Variants in NRDE2 observed in about 807,000 individuals in gnomAD.
NRDE2 encodes nuclear exosome regulator NRDE2.
NRDE2 carries 76 observed loss-of-function variants against 124.2 expected under a neutral mutation model. The observed-to-expected ratio is 0.61, with a 90% CI of 0.51 to 0.74. The LOEUF (loss-of-function observed/expected upper bound fraction) is 0.74, where lower values mean the gene tolerates loss of function less well. NRDE2 is among the 30% of genes least tolerant of loss of function. The pLI is 0.00. For synonymous variants in NRDE2, 489 were observed against 528.1 expected (o/e 0.93, Z 1.01); for missense variants, 1,314 against 1,417.3 (o/e 0.93, Z 1.17).
At position 90,315,774 on chromosome 14, in the gene NRDE2, G is replaced by A. The variant is rs376377547; in HGVS notation, c.407+804C>T. Among the ~76,000 whole-genome samples the A allele has an allele frequency of 1.9e-4, 29 of 151,916 alleles. 2 individuals carry two copies. Among genetic ancestry groups the A allele is most frequent in the Middle Eastern group, 3.4e-3 (1 of 294 alleles). On this transcript the variant is annotated intron_variant, in intron 3 of 13. Coordinates refer to ENST00000354366, the MANE Select transcript of NRDE2 (RefSeq NM_017970.4). ...AGTTCAAGACCTGCCTGGCCAACAT[G>A]GTGAAATGCCATCTCTACTAAAAAT... is the stretch of plus-strand genomic sequence containing the variant.
At chr14:90,295,683 GA>G (rs1458089060) in intron 8 of NRDE2, among the ~76,000 whole-genome samples, 2 of 152,206 alleles carry the variant, frequency 1.3e-5, no homozygotes, top group East Asian at 3.8e-4. Context: ...ACTGCAGGAT[GA>G]AATCAACTAC....
Position 90,276,496 on chromosome 14 carries a change from G to A in NRDE2, c.*1840C>T, listed in dbSNP as rs1748979409. 6.6e-6 allele frequency: 1 copy of A among 152,208 alleles called. No homozygotes were observed. The highest frequency in any genetic ancestry group is 2.1e-4 in the South Asian group (1 of 4,834). The allele number at this position is 152,208 out of a possible 1,614,324, so 9.4% of individuals were successfully genotyped here. Reference sequence around the variant, plus strand: ...GGCCTCCCAAAGTGCTGGGATTACAGACGTGAGCCACCGCGCCTGGCCTCA... The same window carrying A: ...GGCCTCCCAAAGTGCTGGGATTACAAACGTGAGCCACCGCGCCTGGCCTCA... On this transcript the variant is annotated 3_prime_UTR_variant, in exon 14 of 14. Coordinates refer to ENST00000354366, the MANE Select transcript of NRDE2 (RefSeq NM_017970.4).
intron 7 of NRDE2, among the ~76,000 whole-genome samples, chr14:90,299,291 G>C (rs1884300000): frequency 6.6e-6 from 1 of 152,024 alleles, no homozygotes; most frequent in Admixed American, 6.5e-5. Flanking sequence ...CAGGTGCTCT[G>C]CCCACCTTAG....
At chr14:90,304,627 G>A (rs755722489) in intron 4 of NRDE2, 2 of 451,894 alleles carry the variant, frequency 4.4e-6, no homozygotes, top group African/African-American at 3.9e-5. Context: ...TTAAGATCAT[G>A]CCTGTCTTCT....
In NRDE2 at chr14:90,273,583, A is replaced by T. The variant is rs927631444; in HGVS notation, c.*4753T>A. 6.6e-6 allele frequency: 1 copy of T among 152,182 alleles called. No homozygotes were observed. Among genetic ancestry groups the T allele is most frequent in the African/African-American group, 2.4e-5 (1 of 41,420 alleles). The allele number at this position is 152,182 out of a possible 1,614,324, so 9.4% of individuals were successfully genotyped here. ...AAAAATAAATAAATAAATAAATAAA[A>T]ACCACAATTTTATCTCAGTTCTGTA... On this transcript the variant is annotated 3_prime_UTR_variant, in exon 14 of 14. Coordinates refer to ENST00000354366, the MANE Select transcript of NRDE2 (RefSeq NM_017970.4).
Position 90,279,058 on chromosome 14 carries a change from T to A in NRDE2, c.3369+4A>T. 1 of 1,605,652 alleles carries A rather than the reference T, an allele frequency of 6.2e-7. No individual in the cohort carries two copies. Among genetic ancestry groups the A allele is most frequent in the Non-Finnish European group, 8.5e-7 (1 of 1,172,136 alleles). On this transcript the variant is annotated splice_donor_region_variant and intron_variant, in intron 13 of 13. Coordinates refer to ENST00000354366, the MANE Select transcript of NRDE2 (RefSeq NM_017970.4). ...CTGAAGACACCATGGCCTTTAACACTTACCTTTGCCCAAGGGCAATTCTGA... is the reference window on the plus strand; with the variant it reads ...CTGAAGACACCATGGCCTTTAACACATACCTTTGCCCAAGGGCAATTCTGA...
Position 90,305,097 on chromosome 14 carries a change from G to T in NRDE2, c.558-715C>A, listed in dbSNP as rs567713497. ...TAGCAAACAATTCAATTTTAAAAACGGGCAAAAGATCTGAACTGAAATTCC... is the reference window on the plus strand; with the variant it reads ...TAGCAAACAATTCAATTTTAAAAACTGGCAAAAGATCTGAACTGAAATTCC... On this transcript the variant is annotated intron_variant, in intron 4 of 13. Coordinates refer to ENST00000354366, the MANE Select transcript of NRDE2 (RefSeq NM_017970.4). 2.0e-5 allele frequency among the ~76,000 whole-genome samples: 3 copies of T among 151,828 alleles called. No homozygotes were observed. The East Asian group carries it at 5.8e-4, about 29-fold the overall frequency.
Position 90,269,112 on chromosome 14 carries a change from A to G in NRDE2, c.*9224T>C. 3.3e-6 allele frequency: 1 copy of G among 298,516 alleles called. No homozygotes were observed. Among genetic ancestry groups the G allele is most frequent in the South Asian group, 8.5e-5 (1 of 11,764 alleles). The allele number at this position is 298,516 out of a possible 1,614,324, so 18.5% of individuals were successfully genotyped here. A position where few individuals can be genotyped will look rare whatever the true frequency, so the allele number is the denominator to read the frequency against. On this transcript the variant is annotated 3_prime_UTR_variant, in exon 14 of 14. Coordinates refer to ENST00000354366, the MANE Select transcript of NRDE2 (RefSeq NM_017970.4). ...CTTTTTCTCTTTTTAGAAGGAACTC[A>G]TGCTGTATAAGGCTCTGCCTCATGC...
At chr14:90,309,480 A>G (rs1255777655) in intron 4 of NRDE2, among the ~76,000 whole-genome samples, 1 of 150,472 alleles carries the variant, frequency 6.6e-6, no homozygotes, top group Admixed American at 6.6e-5. Flanking sequence ...CTCAAAAAAA[A>G]AAAAAAAAAA....
intron 3 of NRDE2, among the ~76,000 whole-genome samples, chr14:90,314,855 G>A (rs1884979862): frequency 6.6e-6 from 1 of 152,218 alleles, no homozygotes; most frequent in African/African-American, 2.4e-5. Context: ...TTGCCGGACT[G>A]CTTTATTTTT....
rs570825290 is a variant in NRDE2 at position 90,288,574 on chromosome 14, A to G, written c.2801T>C (p.Leu934Pro). The change falls in exon 11 of 14, where the codon CTG becomes CCG. Residue 934 changes from leucine to proline, a missense_variant. Transcript: ENST00000354366. ...VQIYEQVFAKLNSSVFPEGSG... is the reference protein window; with the variant it reads ...VQIYEQVFAKPNSSVFPEGSG... ...GCCTTCTGGGAAAACAGAACTGTTC[A>G]GTTTTGCAAACACCTGTTCGTATAT... is the stretch of plus-strand genomic sequence containing the variant. The G allele has an allele frequency of 1.2e-6, 2 of 1,614,160 alleles. No individual in the cohort carries two copies. Among genetic ancestry groups the G allele is most frequent in the Admixed American group, 3.3e-5 (2 of 60,024 alleles).
rs540634573 is a variant in NRDE2, at chr14:90,306,929, C to T, written c.558-2547G>A. Among the ~76,000 whole-genome samples the T allele has an allele frequency of 2.5e-4, 38 of 152,180 alleles. No homozygotes were observed. The South Asian group carries it at 7.0e-3, about 28-fold the overall frequency. On this transcript the variant is annotated intron_variant, in intron 4 of 13. Transcript: ENST00000354366. ...TATCCTCTTTTAATAGTATTGATTC[C>T]TCATTAGTCTCACAAAAAATATACA...
chr14:90,308,714 C>T (rs1432851534), intron 4 of NRDE2, among the ~76,000 whole-genome samples: 2 of 152,134 alleles, frequency 1.3e-5, no homozygotes. Flanking sequence ...AACTGCAGAA[C>T]CAGTTCAAAC....
At chr14:90,313,025 T>G (rs1057185186) in intron 3 of NRDE2, among the ~76,000 whole-genome samples, 1 of 151,902 alleles carries the variant, frequency 6.6e-6, no homozygotes, top group Non-Finnish European at 1.5e-5. Context: ...TACTTGAAAG[T>G]GCCTAGATAC....
At chr14:90,288,094 C>T in intron 11 of NRDE2, 123 bp downstream of exon 11, 1 of 845,528 alleles carries the variant, frequency 1.2e-6, no homozygotes, top group South Asian at 1.7e-5. Context: ...AGCCCCACGG[C>T]AGGTGTTCTG....
Position 90,303,001 on chromosome 14 carries a change from T to A in NRDE2, c.1130A>T (p.Asn377Ile), listed in dbSNP as rs199890497. 107 of 1,614,054 alleles carry A rather than the reference T, an allele frequency of 6.6e-5. No homozygotes were observed. The East Asian group carries it at 1.2e-3, about 17-fold the overall frequency. ...LAILERAIES[N>I]QSSVDLKLAK... ...CAGTTTCAGATCCACACTGCTCTGG[T>A]TGCTCTCAATGGCCCGCTCCAGAAT... Residue 377 changes from asparagine to isoleucine, a missense_variant, in exon 6 of 14, where the codon AAC becomes ATC. By Grantham distance (149) the Asn-to-Ile change is moderately radical. Transcript: ENST00000354366.
At position 90,301,241 on chromosome 14, in the gene NRDE2, G is replaced by A; in HGVS notation, c.1543C>T (p.Gln515Ter). 6.2e-7 allele frequency: 1 copy of A among 1,613,470 alleles called. No homozygotes were observed. Among genetic ancestry groups the A allele is most frequent in the Non-Finnish European group, 8.5e-7 (1 of 1,179,608 alleles). The change falls in exon 7 of 14, where the codon CAG (glutamine) becomes TAG (stop). Residue 515 changes from glutamine (Q) to a stop codon, truncating the protein, a stop_gained and splice_region_variant. Coordinates refer to ENST00000354366, the MANE Select transcript of NRDE2 (RefSeq NM_017970.4). LOFTEE classifies it high-confidence loss of function. ...DSVKDLPTKGQVEFFEPFWDS... is the reference protein window; with the variant it reads ...DSVKDLPTKG ...ATGAGGCGAGCAGAGCTGGGTACCT[G>A]TCCTTTGGTAGGCAGATCTTTCACG...
Position 90,278,658 on chromosome 14 carries a change from G to C in NRDE2, c.3370-197C>G, listed in dbSNP as rs1891867984. On this transcript the variant is annotated intron_variant, in intron 13 of 13. Transcript: ENST00000354366. Reference sequence around the variant, plus strand: ...GGAAGGACACTGAACTCGCAAAAGTGAGCAAACGCCAAGCGAGGCCTTCTC... The same window carrying C: ...GGAAGGACACTGAACTCGCAAAAGTCAGCAAACGCCAAGCGAGGCCTTCTC... The C allele has an allele frequency of 2.0e-5, 12 of 615,232 alleles. No homozygotes were observed. In the East Asian group the frequency reaches 3.4e-4, roughly 18 times the overall value. The allele number at this position is 615,232 out of a possible 1,614,324, so 38.1% of individuals were successfully genotyped here. A position where few individuals can be genotyped will look rare whatever the true frequency, so the allele number is the denominator to read the frequency against.
chr14:90,270,606 G>A lies in NRDE2; in HGVS notation c.*7730C>T, dbSNP rs1891635907. ...CTGAGTCGCTGGTACTAAGCCTTAG[G>A]CCCAGGTGACTTTCTCAAGGTGTGT... On this transcript the variant is annotated 3_prime_UTR_variant, in exon 14 of 14. Coordinates refer to ENST00000354366, the MANE Select transcript of NRDE2 (RefSeq NM_017970.4). The A allele has an allele frequency of 2.8e-6, 1 of 351,198 alleles. No homozygotes were observed. The highest frequency in any genetic ancestry group is 7.1e-5 in the South Asian group (1 of 14,166). 21.8% of individuals were successfully genotyped at this position (351,198 alleles called of 1,614,324 possible).
Sources: allele counts gnomAD v4.1 joint callset (sites outside exome capture counted in the v4.1 genomes callset), GRCh38; gene constraint gnomAD v4.1.1; transcripts MANE v1.5; gene names NCBI Gene and HGNC (gene_info 2026-07-23, HGNC 2026-07-21).